Variants in DLGAP2 observed in about 807,000 individuals in gnomAD.
DLGAP2 encodes the protein DLG associated protein 2, also known as disks large-associated protein 2.
DLGAP2 carries 26 observed loss-of-function variants against 100.3 expected under a neutral mutation model. That is an observed-to-expected ratio of 0.26 (90% CI 0.19 to 0.36). DLGAP2 has a LOEUF of 0.36. DLGAP2 is among the 10% of genes least tolerant of loss of function. The probability of loss-of-function intolerance (pLI) is 1.00; values close to 1 mark genes in which losing one functional copy is unlikely to be tolerated. For synonymous variants in DLGAP2, 886 were observed against 630.1 expected (o/e 1.41, Z -6.08); for missense variants, 1,858 against 1,453.2 (o/e 1.28, Z -4.53).
intron 3 of DLGAP2, among the ~76,000 whole-genome samples, chr8:1,307,481 A>C (rs770103359): frequency 1.3e-5 from 2 of 152,208 alleles, no homozygotes; most frequent in African/African-American, 4.8e-5. Flanking sequence ...AAAAATAAAC[A>C]TGGAATTTTC....
intron 3 of DLGAP2, among the ~76,000 whole-genome samples, chr8:1,472,434 C>T (rs1475712708): frequency 6.6e-6 from 1 of 152,134 alleles, no homozygotes; most frequent in Non-Finnish European, 1.5e-5. Context: ...GTGAGAATGA[C>T]ATGGTCTGGT....
intron 2 of DLGAP2, among the ~76,000 whole-genome samples, chr8:1,067,515 C>T (rs1014880421): frequency 4.1e-4 from 63 of 152,184 alleles, no homozygotes; most frequent in Admixed American, 1.8e-3. Flanking sequence ...GTCCTCCACA[C>T]GGGGCTATGC....
chr8:1,194,603 A>C (rs372090823), intron 2 of DLGAP2, among the ~76,000 whole-genome samples: 1 of 152,196 alleles, frequency 6.6e-6, no homozygotes, highest in African/African-American at 2.4e-5. Flanking sequence ...CTGCCTGTTC[A>C]GCAGGGAAGA....
intron 2 of DLGAP2, among the ~76,000 whole-genome samples, chr8:1,197,312 C>G (rs1208636614): frequency 6.6e-6 from 1 of 151,506 alleles, no homozygotes; most frequent in Non-Finnish European, 1.5e-5. Flanking sequence ...CATGCTGACA[C>G]AGAATTCACC....
chr8:1,447,029 C>T (rs1343581185), intron 3 of DLGAP2, among the ~76,000 whole-genome samples: 1 of 152,168 alleles, frequency 6.6e-6, no homozygotes, highest in Non-Finnish European at 1.5e-5. Flanking sequence ...ACAATGATGT[C>T]GTCTGCAAAG....
chr8:1,456,735 C>T (rs1274239276), intron 3 of DLGAP2, among the ~76,000 whole-genome samples: 1 of 151,864 alleles, frequency 6.6e-6, no homozygotes, highest in African/African-American at 2.4e-5. Context: ...AGGCCCCGGT[C>T]GTTGGACGTC....
intron 2 of DLGAP2, chr8:1,250,516 C>A (rs1164359245): frequency 1.3e-5 from 2 of 152,158 alleles, no homozygotes; most frequent in Admixed American, 1.3e-4. Context: ...AGCTGAGCAT[C>A]CGTGCATCCG....
chr8:1,194,267 G>T (rs540801538), intron 2 of DLGAP2, among the ~76,000 whole-genome samples: 17 of 152,132 alleles, frequency 1.1e-4, no homozygotes, highest in African/African-American at 4.1e-4. Context: ...CAGGCTCTGC[G>T]ATTTTGAGAG....
chr8:1,387,413 G>T (rs116917592), intron 3 of DLGAP2, among the ~76,000 whole-genome samples: 1,730 of 152,324 alleles, frequency 0.011, 15 homozygotes, highest in Non-Finnish European at 0.018. Flanking sequence ...TGCAGAGAAG[G>T]CTGGGTTTGG....
intron 2 of DLGAP2, among the ~76,000 whole-genome samples, chr8:1,205,603 G>A (rs531811394): frequency 2.6e-4 from 39 of 152,302 alleles, no homozygotes; most frequent in African/African-American, 6.5e-4. Flanking sequence ...AAGAGCTGCC[G>A]CTGGGACGTG....
intron 3 of DLGAP2, among the ~76,000 whole-genome samples, chr8:1,265,134 C>G (rs1799426280): frequency 6.6e-6 from 1 of 152,082 alleles, no homozygotes; most frequent in East Asian, 1.9e-4. Flanking sequence ...GAAGATACAA[C>G]AGGAGAATGA....
At chr8:1,574,962 T>G (rs956930934) in intron 6 of DLGAP2, among the ~76,000 whole-genome samples, 8 of 152,194 alleles carry the variant, frequency 5.3e-5, no homozygotes, top group Non-Finnish European at 1.2e-4. Flanking sequence ...TTCCTGCTAG[T>G]GACTGAGTAT....
intron 2 of DLGAP2, among the ~76,000 whole-genome samples, chr8:1,009,481 A>G (rs1243610020): frequency 6.6e-6 from 1 of 152,192 alleles, no homozygotes; most frequent in Non-Finnish European, 1.5e-5. Flanking sequence ...TGCTTCTGAC[A>G]TTTTCTTTGA....
chr8:1,110,874 C>G (rs1804934880), intron 2 of DLGAP2, among the ~76,000 whole-genome samples: 1 of 152,090 alleles, frequency 6.6e-6, no homozygotes, highest in South Asian at 2.1e-4. Flanking sequence ...CAGGGCTCAG[C>G]TACCCCTGTC....
intron 2 of DLGAP2, among the ~76,000 whole-genome samples, chr8:999,552 C>T (rs1800882991): frequency 6.6e-6 from 1 of 151,066 alleles, no homozygotes; most frequent in Admixed American, 6.6e-5. Context: ...AATCTCGGCT[C>T]ACTGCAAACT....
At chr8:1,115,199 T>C (rs1379311441) in intron 2 of DLGAP2, among the ~76,000 whole-genome samples, 1 of 152,266 alleles carries the variant, frequency 6.6e-6, no homozygotes, top group Non-Finnish European at 1.5e-5. Flanking sequence ...TAGAGGTCTG[T>C]CATATGCATT....
chr8:972,754 G>C (rs947713549), intron 2 of DLGAP2, among the ~76,000 whole-genome samples: 1 of 152,238 alleles, frequency 6.6e-6, no homozygotes, highest in African/African-American at 2.4e-5. Flanking sequence ...TTCCTAGGCA[G>C]AGGACCCTGC....
chr8:1,058,409 T>A (rs576207224), intron 2 of DLGAP2, among the ~76,000 whole-genome samples: 2 of 152,318 alleles, frequency 1.3e-5, no homozygotes, highest in South Asian at 4.1e-4. Flanking sequence ...CGGTGTGATA[T>A]GGGTTCAAAG....
intron 1 of DLGAP2, among the ~76,000 whole-genome samples, chr8:888,862 C>A (rs941902373): frequency 6.6e-6 from 1 of 152,136 alleles, no homozygotes; most frequent in Non-Finnish European, 1.5e-5. Context: ...AGTTGGGTTG[C>A]ACGAGGAGCA....
Sources: allele counts gnomAD v4.1 joint callset (sites outside exome capture counted in the v4.1 genomes callset), GRCh38; gene constraint gnomAD v4.1.1; transcripts MANE v1.5; gene names NCBI Gene and HGNC (gene_info 2026-07-23, HGNC 2026-07-21).